ADGRL2: variants seen among roughly 807,000 people sequenced by gnomAD.
ADGRL2 encodes adhesion G protein-coupled receptor L2, also known as calcium-independent alpha-latrotoxin receptor 2.
A neutral mutation model predicts 157.4 loss-of-function variants in ADGRL2; 44 were observed. The ratio of observed to expected loss-of-function variants is 0.28; its 90% CI spans 0.22 to 0.36. The LOEUF is 0.36. ADGRL2 is among the 10% of genes least tolerant of loss of function. The probability of loss-of-function intolerance (pLI) is 1.00; values close to 1 mark genes in which losing one functional copy is unlikely to be tolerated. For synonymous variants in ADGRL2, 585 were observed against 624.7 expected (o/e 0.94, Z 0.95); for missense variants, 1,510 against 1,768.9 (o/e 0.85, Z 2.63).
intron 2 of ADGRL2, among the ~76,000 whole-genome samples, chr1:81,537,581 T>C (rs1335158683): frequency 6.6e-6 from 1 of 152,024 alleles, no homozygotes; most frequent in African/African-American, 2.4e-5. Flanking sequence ...CCACCACGCC[T>C]GCCCAGCATG....
At chr1:81,776,887 T>G (rs1488431837) in intron 2 of ADGRL2, among the ~76,000 whole-genome samples, 2 of 152,204 alleles carry the variant, frequency 1.3e-5, no homozygotes, top group Non-Finnish European at 2.9e-5. Context: ...TAAAATAACC[T>G]AGAACCTACT....
chr1:81,619,116 A>G (rs1570654401), intron 3 of ADGRL2, among the ~76,000 whole-genome samples: 1 of 152,358 alleles, frequency 6.6e-6, no homozygotes, highest in South Asian at 2.1e-4. Context: ...TTGCTGTACC[A>G]TGTCTAAAGA....
At chr1:81,605,459 A>G (rs530091758) in intron 3 of ADGRL2, among the ~76,000 whole-genome samples, 2 of 152,348 alleles carry the variant, frequency 1.3e-5, no homozygotes, top group East Asian at 3.9e-4. Context: ...TAACAGTCAT[A>G]CGAAAGACAC....
chr1:81,719,609 C>T (rs1037918107), intron 1 of ADGRL2, among the ~76,000 whole-genome samples: 3 of 152,138 alleles, frequency 2.0e-5, no homozygotes, highest in Non-Finnish European at 4.4e-5. Flanking sequence ...CTCACCTCCC[C>T]AGTCACTTCA....
chr1:81,536,955 G>A (rs751308478), intron 2 of ADGRL2, among the ~76,000 whole-genome samples: 2 of 152,112 alleles, frequency 1.3e-5, no homozygotes, highest in African/African-American at 2.4e-5. Flanking sequence ...GCAAATATAA[G>A]GTTCTCAGTA....
In ADGRL2 at chr1:81,570,386, G is replaced by A. The variant is rs6684077; in HGVS notation, c.-247-10490G>A. ...TGGAGGATATTACATTCGTTTGTTT[G>A]TTTGTTTGTTTGTTTTTGACATGGA... On this transcript the variant is annotated intron_variant, in intron 2 of 24. Transcript: ENST00000370721. Among the ~76,000 whole-genome samples, 1,149 of 152,090 alleles carry A rather than the reference G, an allele frequency of 7.6e-3. 23 individuals carry two copies. The highest frequency in any genetic ancestry group is 0.026 in the African/African-American group (1,094 of 41,518).
intron 1 of ADGRL2, among the ~76,000 whole-genome samples, chr1:81,707,922 C>G (rs190830471): frequency 3.6e-4 from 55 of 152,172 alleles, no homozygotes; most frequent in African/African-American, 1.3e-3. Context: ...TCCAAGAGTT[C>G]TGTATGGGGA....
At chr1:81,468,967 G>A (rs1053282365) in intron 2 of ADGRL2, among the ~76,000 whole-genome samples, 1 of 152,180 alleles carries the variant, frequency 6.6e-6, no homozygotes, top group Non-Finnish European at 1.5e-5. Flanking sequence ...TGTTAGGTTT[G>A]ATGTGGATTA....
chr1:81,837,164 G>C (rs1422296741), intron 2 of ADGRL2, 107 bp downstream of exon 2: 1 of 544,192 alleles, frequency 1.8e-6, no homozygotes, highest in Non-Finnish European at 3.1e-6. Context: ...TTAAAAATAG[G>C]TGTTAAAATT....
chr1:81,330,418 T>A (rs902960255), intron 1 of ADGRL2, among the ~76,000 whole-genome samples: 4 of 152,074 alleles, frequency 2.6e-5, no homozygotes, highest in Non-Finnish European at 4.4e-5. Context: ...CACACTTCCT[T>A]GGGGAATGTT....
chr1:81,806,373 A>G (rs1247311957), intron 1 of ADGRL2, among the ~76,000 whole-genome samples: 1 of 152,086 alleles, frequency 6.6e-6, no homozygotes, highest in East Asian at 1.9e-4. Context: ...CAGCAGAAAC[A>G]TTAACACCAG....
At chr1:81,726,873 T>A (rs72715744) in intron 1 of ADGRL2, among the ~76,000 whole-genome samples, 2,929 of 152,308 alleles carry the variant, frequency 0.019, 41 homozygotes, top group South Asian at 0.051. Flanking sequence ...AAGCTATCAT[T>A]AGGGATTCAC....
upstream of ADGRL2, among the ~76,000 whole-genome samples, chr1:81,696,478 C>A (rs566904383): frequency 3.4e-4 from 52 of 152,084 alleles, 1 homozygote; most frequent in African/African-American, 1.2e-3. Flanking sequence ...GTTGGCCAGG[C>A]GCGGTGGCTC....
At chr1:81,501,150 T>A (rs1188666049) in intron 2 of ADGRL2, among the ~76,000 whole-genome samples, 2 of 152,250 alleles carry the variant, frequency 1.3e-5, no homozygotes, top group Admixed American at 1.3e-4. Context: ...GTTAATTGTT[T>A]AAGGATAGAT....
intron 1 of ADGRL2, among the ~76,000 whole-genome samples, chr1:81,444,546 G>A (rs1401360616): frequency 3.3e-5 from 5 of 152,216 alleles, no homozygotes; most frequent in East Asian, 1.9e-4. Context: ...AGTTCCTAAC[G>A]GTCAAAGTTT....
In ADGRL2 at chr1:81,422,842, C is replaced by T. The variant is rs559573558; in HGVS notation, c.-301-22194C>T. Among the ~76,000 whole-genome samples the T allele has an allele frequency of 1.4e-4, 22 of 152,260 alleles. No individual in the cohort carries two copies. The East Asian group carries it at 4.1e-3, about 28-fold the overall frequency. ...TCATAATGCCTGGAATATATTAAAG[C>T]TTTTAGAATAAGCAAAATGTTTGCT... On this transcript the variant is annotated intron_variant, in intron 1 of 24. Transcript: ENST00000370721.
chr1:81,614,019 C>A (rs866926179), intron 3 of ADGRL2, among the ~76,000 whole-genome samples: 2 of 152,198 alleles, frequency 1.3e-5, no homozygotes, highest in Admixed American at 1.3e-4. Flanking sequence ...TTATTAAATG[C>A]GCTAAATAAA....
At chr1:81,376,972 A>T (rs2076260902) in intron 1 of ADGRL2, among the ~76,000 whole-genome samples, 1 of 152,170 alleles carries the variant, frequency 6.6e-6, no homozygotes, top group Admixed American at 6.5e-5. Context: ...GGATCACTTG[A>T]GTCCAGGAGT....
chr1:81,501,823 A>G (rs114868480), intron 2 of ADGRL2: 221,948 of 1,595,882 alleles, frequency 0.14, 15,919 homozygotes, highest in African/African-American at 0.18. Context: ...AGCAGCAGCA[A>G]CAGAAGCAGC....
Sources: gnomAD v4.1 joint callset for allele counts (sites outside exome capture counted in the v4.1 genomes callset) on GRCh38, gnomAD v4.1.1 for gene constraint, MANE v1.5 for transcripts, NCBI Gene and HGNC (gene_info 2026-07-23, HGNC 2026-07-21) for gene names.